The following ROR2 variants were observed in gnomAD, a reference collection of about 807,000 sequenced individuals.
The protein encoded by ROR2 is tyrosine-protein kinase transmembrane receptor ROR2.
A neutral mutation model predicts 74.9 loss-of-function variants in ROR2; 33 were observed. That is an observed-to-expected ratio of 0.44 (90% CI 0.33 to 0.59). The LOEUF (loss-of-function observed/expected upper bound fraction) is 0.59, where lower values mean the gene tolerates loss of function less well. ROR2 is among the 20% of genes least tolerant of loss of function. The pLI is 0.02. For synonymous variants in ROR2, 586 were observed against 558.7 expected (o/e 1.05, Z -0.69); for missense variants, 1,216 against 1,313.8 (o/e 0.93, Z 1.15).
At chr9:91,931,485 T>C (rs1169471897) in intron 1 of ROR2, among the ~76,000 whole-genome samples, 1 of 152,164 alleles carries the variant, frequency 6.6e-6, no homozygotes, top group African/African-American at 2.4e-5. Flanking sequence ...TCAACTTTTC[T>C]CTCTACTTAG....
chr9:91,878,973 C>G (rs925307706), intron 1 of ROR2, among the ~76,000 whole-genome samples: 2 of 151,686 alleles, frequency 1.3e-5, no homozygotes, highest in Non-Finnish European at 2.9e-5. Context: ...ACCCGGGAGG[C>G]GGAGCTTGCA....
intron 1 of ROR2, among the ~76,000 whole-genome samples, chr9:91,930,490 A>G (rs7033397): frequency 0.14 from 21,680 of 152,252 alleles, 2,259 homozygotes; most frequent in East Asian, 0.28. Flanking sequence ...TCCTTTGTTC[A>G]GTGTGCTCTT....
At chr9:91,934,114 G>GA (rs1564049449) in intron 1 of ROR2, among the ~76,000 whole-genome samples, 2 of 152,050 alleles carry the variant, frequency 1.3e-5, no homozygotes, top group East Asian at 1.9e-4. Flanking sequence ...GATGCGGGGG[G>GA]GCGAGTGAAA....
chr9:91,922,099 G>GCAACAA (rs556349605), intron 1 of ROR2, among the ~76,000 whole-genome samples: 2,054 of 147,670 alleles, frequency 0.014, 52 homozygotes, highest in African/African-American at 0.047. Context: ...CCAAACAACA[G>GCAACAA]CAACAACAAC....
intron 1 of ROR2, among the ~76,000 whole-genome samples, chr9:91,855,572 A>G (rs1037605497): frequency 1.3e-5 from 2 of 152,126 alleles, no homozygotes; most frequent in Non-Finnish European, 2.9e-5. Flanking sequence ...TGGCAGGGTA[A>G]GCATCTTAGA....
chr9:91,842,805 C>A (rs1293467720), intron 1 of ROR2, among the ~76,000 whole-genome samples: 1 of 152,230 alleles, frequency 6.6e-6, no homozygotes, highest in Non-Finnish European at 1.5e-5. Context: ...TGCTGCTCTG[C>A]ATCCAGCTGG....
At chr9:91,751,628 G>C (rs1825597905) in intron 4 of ROR2, among the ~76,000 whole-genome samples, 1 of 152,144 alleles carries the variant, frequency 6.6e-6, no homozygotes, top group Admixed American at 6.5e-5. Context: ...TTGAGTGTGG[G>C]TGACTTTCAC....
intron 1 of ROR2, among the ~76,000 whole-genome samples, chr9:91,909,856 T>TTG (rs1554691407): frequency 2.4e-5 from 3 of 125,432 alleles, no homozygotes; most frequent in Non-Finnish European, 3.3e-5. Flanking sequence ...TGTTTTTTTT[T>TTG]TTTTTTTTTT....
intron 1 of ROR2, among the ~76,000 whole-genome samples, chr9:91,805,260 T>C (rs1827509997): frequency 6.6e-6 from 1 of 152,180 alleles, no homozygotes; most frequent in South Asian, 2.1e-4. Context: ...GTTCTGTCCA[T>C]CCACTCCAAG....
intron 1 of ROR2, among the ~76,000 whole-genome samples, chr9:91,818,278 C>T (rs759539078): frequency 3.2e-4 from 48 of 152,342 alleles, no homozygotes; most frequent in Non-Finnish European, 5.1e-4. Flanking sequence ...GATTCCTATT[C>T]TTTGATATGC....
In ROR2 at chr9:91,757,766, T is replaced by C. The variant is rs188719628; in HGVS notation, c.176-207A>G. Among the ~76,000 whole-genome samples the C allele has an allele frequency of 3.7e-3, 557 of 152,224 alleles. 4 individuals carry two copies. Among genetic ancestry groups the C allele is most frequent in the Non-Finnish European group, 2.0e-3 (138 of 68,012 alleles). ...ACTGAACCACTGCTCCTATGGGAAA[T>C]ACAGAGTCAAATTCCTGTGAGCCTC... On this transcript the variant is annotated intron_variant, in intron 2 of 8. Transcript: ENST00000375708.
chr9:91,890,529 T>C (rs773999023), intron 1 of ROR2, among the ~76,000 whole-genome samples: 3 of 152,220 alleles, frequency 2.0e-5, no homozygotes, highest in Non-Finnish European at 2.9e-5. Flanking sequence ...CTAAGTGTTT[T>C]ATAGTTTTTG....
intron 1 of ROR2, among the ~76,000 whole-genome samples, chr9:91,925,464 GTA>G (rs202044795): frequency 0.044 from 5,915 of 134,942 alleles, 364 homozygotes; most frequent in African/African-American, 0.15. Context: ...TCAGCTGCCT[GTA>G]TGTGTGTGTG....
At chr9:91,779,178 G>C (rs1564270816) in intron 1 of ROR2, among the ~76,000 whole-genome samples, 1 of 152,098 alleles carries the variant, frequency 6.6e-6, no homozygotes, top group Admixed American at 6.5e-5. Context: ...GTTAACAATA[G>C]GGGAAACTGG....
At chr9:91,888,921 T>C (rs536392778) in intron 1 of ROR2, among the ~76,000 whole-genome samples, 8 of 152,184 alleles carry the variant, frequency 5.3e-5, no homozygotes, top group Non-Finnish European at 1.2e-4. Context: ...TCCTTTTTTT[T>C]TTCATGTTTA....
At chr9:91,948,734 T>G (rs3750440) in intron 1 of ROR2, 136,886 of 985,268 alleles carry the variant, frequency 0.14, 12,439 homozygotes, top group African/African-American at 0.41. Flanking sequence ...AGTGCAGGGA[T>G]GGGGGATACT....
chr9:91,937,954 G>C (rs1017145418), intron 1 of ROR2, among the ~76,000 whole-genome samples: 3 of 152,200 alleles, frequency 2.0e-5, no homozygotes, highest in Admixed American at 1.3e-4. Context: ...CTGACTGCAA[G>C]TGACCCTCCC....
intron 7 of ROR2, among the ~76,000 whole-genome samples, chr9:91,727,159 G>A (rs773560542): frequency 3.3e-5 from 5 of 152,164 alleles, no homozygotes; most frequent in Non-Finnish European, 5.9e-5. Context: ...CCTTGTCCAA[G>A]GTGAGTGAAA....
rs1180536563 is a variant in ROR2, at chr9:91,942,218, G to T, written c.97+7649C>A. 4.6e-5 allele frequency among the ~76,000 whole-genome samples: 7 copies of T among 152,148 alleles called. No individual in the cohort carries two copies. In the East Asian group the frequency reaches 1.3e-3, roughly 29 times the overall value. ...GTTTGCTGATTTTTGCTCATAATCA[G>T]ACTCTCTTCCCCAGATAGAAAGCAA... is the stretch of plus-strand genomic sequence containing the variant. On this transcript the variant is annotated intron_variant, in intron 1 of 8. Coordinates refer to ENST00000375708, the MANE Select transcript of ROR2 (RefSeq NM_004560.4).
Sources: allele counts gnomAD v4.1 joint callset (sites outside exome capture counted in the v4.1 genomes callset), GRCh38; gene constraint gnomAD v4.1.1; transcripts MANE v1.5; gene names NCBI Gene and HGNC (gene_info 2026-07-23, HGNC 2026-07-21).